ADGRL3: variants seen among roughly 807,000 people sequenced by gnomAD.
ADGRL3 encodes the protein calcium-independent alpha-latrotoxin receptor 3.
In ADGRL3, 62 loss-of-function variants were observed where a neutral mutation model predicts 153.5. That is an observed-to-expected ratio of 0.40 (90% CI 0.33 to 0.50). The LOEUF (loss-of-function observed/expected upper bound fraction) is 0.50, where lower values mean the gene tolerates loss of function less well. ADGRL3 is among the 20% of genes least tolerant of loss of function. The pLI is 0.47. For missense variants in ADGRL3, 1,641 were observed against 1,859.4 expected, an observed-to-expected ratio of 0.88 and a Z score of 2.16; for synonymous variants, 710 against 672.5, an observed-to-expected ratio of 1.06 and a Z score of -0.86.
At chr4:61,476,455 C>T (rs1195064229) in intron 2 of ADGRL3, among the ~76,000 whole-genome samples, 2 of 151,890 alleles carry the variant, frequency 1.3e-5, no homozygotes, top group African/African-American at 2.4e-5. Flanking sequence ...CCTGTAATCC[C>T]AGCACTTTGG....
chr4:61,767,299 A>G (rs890710330), intron 8 of ADGRL3, among the ~76,000 whole-genome samples: 20 of 151,642 alleles, frequency 1.3e-4, no homozygotes, highest in Non-Finnish European at 2.4e-4. Flanking sequence ...AGGTGGGGAC[A>G]ACTAAAAAGG....
intron 9 of ADGRL3, among the ~76,000 whole-genome samples, chr4:61,845,923 A>G (rs1356419100): frequency 6.6e-6 from 1 of 152,160 alleles, no homozygotes; most frequent in Admixed American, 6.5e-5. Flanking sequence ...ATTAACGTGT[A>G]GTATTTAGTA....
intron 17 of ADGRL3, among the ~76,000 whole-genome samples, chr4:61,975,022 C>A (rs2150732746): frequency 6.6e-6 from 1 of 152,230 alleles, no homozygotes; most frequent in East Asian, 1.9e-4. Flanking sequence ...AATTGTGCAG[C>A]TACTGTATAT....
chr4:61,440,725 G>T (rs534397787), intron 2 of ADGRL3, among the ~76,000 whole-genome samples: 2 of 152,226 alleles, frequency 1.3e-5, no homozygotes, highest in Admixed American at 1.3e-4. Flanking sequence ...CATTTATCCT[G>T]TCATGAATTG....
intron 13 of ADGRL3, among the ~76,000 whole-genome samples, chr4:61,915,983 C>T (rs2098743469): frequency 6.6e-6 from 1 of 151,848 alleles, no homozygotes; most frequent in African/African-American, 2.4e-5. Context: ...CTGTCTAAAT[C>T]CATTTAGATG....
At chr4:61,625,480 T>G (rs1402729422) in intron 5 of ADGRL3, among the ~76,000 whole-genome samples, 2 of 152,102 alleles carry the variant, frequency 1.3e-5, no homozygotes, top group East Asian at 3.8e-4. Context: ...CAACATGAAT[T>G]GGTGTATGTA....
At chr4:61,902,482 C>G (rs1462998938) in intron 11 of ADGRL3, among the ~76,000 whole-genome samples, 1 of 152,106 alleles carries the variant, frequency 6.6e-6, no homozygotes, top group African/African-American at 2.4e-5. Flanking sequence ...AAATACAAAC[C>G]TAATTAGACG....
intron 5 of ADGRL3, among the ~76,000 whole-genome samples, chr4:61,652,633 T>C (rs2094301824): frequency 1.3e-5 from 2 of 152,188 alleles, no homozygotes; most frequent in Non-Finnish European, 2.9e-5. Flanking sequence ...CATATTATGG[T>C]GTATATTTAA....
In ADGRL3 at chr4:62,070,757, A is replaced by G. The variant is rs1359435638; in HGVS notation, c.4481A>G (p.Asn1494Ser). 1 of 1,551,614 alleles carries G rather than the reference A, an allele frequency of 6.4e-7. No individual in the cohort carries two copies. Among genetic ancestry groups the G allele is most frequent in the Admixed American group, 2.0e-5 (1 of 50,996 alleles). The change falls in exon 27 of 27, where the codon AAC (asparagine) becomes AGC (serine). Residue 1494 changes from asparagine (N) to serine (S), a missense_variant. By Grantham distance (46) the Asn-to-Ser change is conservative. Transcript: ENST00000683033. ...AEDVYYKSMP[N>S]LGSRNHVHQL... ...GATGTTTACTACAAAAGCATGCCAA[A>G]CCTAGGCTCCAGAAACCACGTCCAT...
chr4:61,447,859 T>A (rs2097604793), intron 2 of ADGRL3, among the ~76,000 whole-genome samples: 1 of 152,164 alleles, frequency 6.6e-6, no homozygotes. Flanking sequence ...ACAATTTAGG[T>A]AAACTGAAAT....
intron 4 of ADGRL3, among the ~76,000 whole-genome samples, chr4:61,586,788 G>C (rs1273573272): frequency 2.0e-5 from 3 of 151,996 alleles, no homozygotes; most frequent in African/African-American, 7.2e-5. Context: ...AATTGAAATA[G>C]ATTACTTAAA....
At chr4:61,386,333 A>T (rs2096735874) in intron 2 of ADGRL3, among the ~76,000 whole-genome samples, 1 of 152,172 alleles carries the variant, frequency 6.6e-6, no homozygotes, top group Non-Finnish European at 1.5e-5. Flanking sequence ...CAAAAACTTA[A>T]AATAATCAAG....
At chr4:61,221,056 A>G (rs1745238967) in intron 1 of ADGRL3, among the ~76,000 whole-genome samples, 1 of 152,202 alleles carries the variant, frequency 6.6e-6, no homozygotes, top group Non-Finnish European at 1.5e-5. Flanking sequence ...TAAAAGTGAC[A>G]ATTTAAGAAA....
At chr4:61,912,854 C>T in intron 13 of ADGRL3, 97 bp downstream of exon 13, 9 of 1,178,310 alleles carry the variant, frequency 7.6e-6, no homozygotes, top group Non-Finnish European at 1.1e-5. Flanking sequence ...ATGTACCTTA[C>T]TGAAATAAAG....
At chr4:61,470,095 A>G (rs892421419) in intron 2 of ADGRL3, among the ~76,000 whole-genome samples, 1 of 152,074 alleles carries the variant, frequency 6.6e-6, no homozygotes, top group African/African-American at 2.4e-5. Context: ...CACGTATTAT[A>G]AATCATACTC....
At chr4:61,783,991 T>C (rs532080803) in intron 8 of ADGRL3, among the ~76,000 whole-genome samples, 9 of 152,086 alleles carry the variant, frequency 5.9e-5, no homozygotes, top group Non-Finnish European at 1.0e-4. Flanking sequence ...CCTAATATAA[T>C]GTAACGTCCT....
intron 5 of ADGRL3, among the ~76,000 whole-genome samples, chr4:61,670,947 A>T (rs1394792547): frequency 1.3e-5 from 2 of 152,186 alleles, no homozygotes; most frequent in African/African-American, 4.8e-5. Context: ...GCAACTAGAA[A>T]GTCCTTTCTG....
At chr4:61,662,892 C>A (rs902726190) in intron 5 of ADGRL3, among the ~76,000 whole-genome samples, 4 of 151,828 alleles carry the variant, frequency 2.6e-5, no homozygotes, top group Admixed American at 2.6e-4. Context: ...GAAAGCTGAA[C>A]ACTCATCAGG....
chr4:61,496,738 G>A (rs149109965), intron 2 of ADGRL3, among the ~76,000 whole-genome samples: 10,011 of 152,108 alleles, frequency 0.066, 445 homozygotes, highest in Non-Finnish European at 0.1. Context: ...TCAGGAGATC[G>A]AGACCATCCT....
Sources: allele counts gnomAD v4.1 joint callset (sites outside exome capture counted in the v4.1 genomes callset), GRCh38; gene constraint gnomAD v4.1.1; transcripts MANE v1.5; gene names NCBI Gene and HGNC (gene_info 2026-07-23, HGNC 2026-07-21).